Variants in RYK observed in about 807,000 individuals in gnomAD.
RYK encodes the protein inactive tyrosine-protein kinase RYK.
A neutral mutation model predicts 70.2 loss-of-function variants in RYK; 21 were observed. That is an observed-to-expected ratio of 0.30 (90% CI 0.21 to 0.43). The LOEUF (loss-of-function observed/expected upper bound fraction) is 0.43, where lower values mean the gene tolerates loss of function less well. Ranked by LOEUF, RYK falls within the 20% of genes least tolerant of loss-of-function variation. The pLI is 1.00. For synonymous variants in RYK, 267 were observed against 278.0 expected (o/e 0.96, Z 0.39); for missense variants, 604 against 753.3 (o/e 0.80, Z 2.32).
At chr3:134,173,506 G>A (rs1422468755) in intron 13 of RYK, among the ~76,000 whole-genome samples, 1 of 152,126 alleles carries the variant, frequency 6.6e-6, no homozygotes, top group South Asian at 2.1e-4. Flanking sequence ...CAATCATGAC[G>A]AAGGAAAAGA....
intron 1 of RYK, among the ~76,000 whole-genome samples, chr3:134,247,642 C>A (rs529537982): frequency 6.6e-6 from 1 of 150,598 alleles, no homozygotes; most frequent in South Asian, 2.1e-4. Context: ...GCAGAGGTTG[C>A]GGTGAGCTAA....
intron 1 of RYK, among the ~76,000 whole-genome samples, chr3:134,234,145 G>A (rs1043072265): frequency 1.3e-5 from 2 of 152,002 alleles, no homozygotes; most frequent in African/African-American, 4.8e-5. Flanking sequence ...TCAAAAACAT[G>A]TTTAAAGAAA....
intron 13 of RYK, among the ~76,000 whole-genome samples, chr3:134,171,566 C>T (rs148602197): frequency 3.9e-5 from 6 of 152,052 alleles, no homozygotes; most frequent in South Asian, 2.1e-4. Flanking sequence ...GAAATAAATA[C>T]GTTAAATTAA....
At chr3:134,206,916 C>T (rs796805808) in intron 5 of RYK, among the ~76,000 whole-genome samples, 1 of 151,858 alleles carries the variant, frequency 6.6e-6, no homozygotes, top group African/African-American at 2.4e-5. Flanking sequence ...AATCTAGTAT[C>T]CTTTTAAGAT....
chr3:134,207,514 C>A lies in RYK; in HGVS notation c.601G>T (p.Val201Leu). The A allele has an allele frequency of 6.5e-7, 1 of 1,539,688 alleles. No homozygotes were observed. The highest frequency in any genetic ancestry group is 1.2e-5 in the South Asian group (1 of 81,926). The change falls in exon 5 of 15, where the codon GTA (valine) becomes TTA (leucine). Residue 201 changes from valine to leucine, a missense_variant. By Grantham distance (32) the Val-to-Leu change is conservative. Transcript: ENST00000623711. ...TTTTTGTCCAAGGCTGAAGTTTTTACTTCTTCAAGTTCTGAATTTAAAGGA... is the reference window on the plus strand; with the variant it reads ...TTTTTGTCCAAGGCTGAAGTTTTTAATTCTTCAAGTTCTGAATTTAAAGGA... Reference protein sequence around the residue: ...RKMCYKKLEEVKTSALDKNTS... With the variant: ...RKMCYKKLEELKTSALDKNTS...
intron 1 of RYK, 41 bp downstream of exon 1, chr3:134,250,382 C>A: frequency 2.2e-5 from 28 of 1,295,248 alleles, no homozygotes; most frequent in Non-Finnish European, 2.8e-5. Flanking sequence ...CTGCCCCAGC[C>A]GGCCCGACCT....
At chr3:134,246,601 A>C (rs2015475331) in intron 1 of RYK, among the ~76,000 whole-genome samples, 1 of 152,158 alleles carries the variant, frequency 6.6e-6, no homozygotes, top group Non-Finnish European at 1.5e-5. Flanking sequence ...AAAACCCTTA[A>C]GACAGAAAAC....
At chr3:134,228,545 C>G (rs1277803388) in intron 1 of RYK, among the ~76,000 whole-genome samples, 1 of 152,070 alleles carries the variant, frequency 6.6e-6, no homozygotes, top group Non-Finnish European at 1.5e-5. Flanking sequence ...TTTGCTACAA[C>G]ATGAATGAAC....
At chr3:134,228,645 G>GA (rs1030257486) in intron 1 of RYK, among the ~76,000 whole-genome samples, 5 of 151,208 alleles carry the variant, frequency 3.3e-5, no homozygotes, top group South Asian at 2.1e-4. Flanking sequence ...TTAAAAAAAA[G>GA]AAAAAAAAAG....
In RYK at chr3:134,217,553, C is replaced by T. The variant is rs114303936; in HGVS notation, c.354+4865G>A. Among the ~76,000 whole-genome samples the T allele has an allele frequency of 2.9e-3, 446 of 152,302 alleles. 1 individual carries two copies. Among genetic ancestry groups the T allele is most frequent in the African/African-American group, 0.01 (417 of 41,550 alleles). On this transcript the variant is annotated intron_variant, in intron 2 of 14. Transcript: ENST00000623711. ...CAGCCATTTGAAGGGGGAAAAAGTA[C>T]AACTCTGTATCAAGTGACAGAGATC...
At chr3:134,237,126 G>A (rs1441991527) in intron 1 of RYK, among the ~76,000 whole-genome samples, 4 of 152,184 alleles carry the variant, frequency 2.6e-5, no homozygotes, top group Admixed American at 1.3e-4. Context: ...TTCCCTAGAC[G>A]ATTTTAAGTT....
chr3:134,206,233 C>T (rs1049910534), intron 5 of RYK, among the ~76,000 whole-genome samples: 1 of 152,140 alleles, frequency 6.6e-6, no homozygotes, highest in African/African-American at 2.4e-5. Context: ...ACAAAATAGG[C>T]AGCACAGAGT....
intron 10 of RYK, 70 bp downstream of exon 10, chr3:134,182,932 C>T: frequency 1.1e-6 from 1 of 929,848 alleles, no homozygotes; most frequent in South Asian, 1.9e-5. Flanking sequence ...TCACAATGTT[C>T]TGCACATAAA....
chr3:134,225,157 C>A (rs2014868367), intron 1 of RYK, among the ~76,000 whole-genome samples: 1 of 152,108 alleles, frequency 6.6e-6, no homozygotes, highest in Admixed American at 6.5e-5. Context: ...GGAGTGTTAG[C>A]AAATATCCAG....
intron 8 of RYK, 61 bp downstream of exon 8, chr3:134,191,788 A>C: frequency 1.5e-6 from 2 of 1,370,412 alleles, no homozygotes; most frequent in Non-Finnish European, 2.0e-6. Context: ...TTTTTGAAAA[A>C]AGTGTCTATA....
At chr3:134,234,728 T>C (rs954794056) in intron 1 of RYK, among the ~76,000 whole-genome samples, 3 of 152,146 alleles carry the variant, frequency 2.0e-5, no homozygotes, top group Admixed American at 2.0e-4. Context: ...GAGAGATTAA[T>C]AAAACTTTTG....
chr3:134,199,819 C>G (rs13091140), intron 6 of RYK, among the ~76,000 whole-genome samples: 148,509 of 152,114 alleles, frequency 0.98, 72,591 homozygotes, highest in East Asian at 1. Flanking sequence ...GGGACTTGGA[C>G]AACTTTTCTG....
intron 13 of RYK, among the ~76,000 whole-genome samples, chr3:134,165,162 A>C (rs1276675474): frequency 6.6e-6 from 1 of 152,168 alleles, no homozygotes; most frequent in Non-Finnish European, 1.5e-5. Flanking sequence ...ATGTTCTTAT[A>C]AACTTTTTTA....
chr3:134,218,662 A>C (rs1462649663), intron 2 of RYK, among the ~76,000 whole-genome samples: 1 of 152,224 alleles, frequency 6.6e-6, no homozygotes, highest in Non-Finnish European at 1.5e-5. Flanking sequence ...GGCAGAAAAG[A>C]AAGGCCGAGA....
Sources: allele counts gnomAD v4.1 joint callset (sites outside exome capture counted in the v4.1 genomes callset), GRCh38; gene constraint gnomAD v4.1.1; transcripts MANE v1.5; gene names NCBI Gene and HGNC (gene_info 2026-07-23, HGNC 2026-07-21).